Variants in PAK1IP1 observed in about 807,000 individuals in gnomAD.
The protein encoded by PAK1IP1 is PAK1 interacting protein 1.
A neutral mutation model predicts 42.0 loss-of-function variants in PAK1IP1; 24 were observed. That is an observed-to-expected ratio of 0.57 (90% CI 0.41 to 0.80). The LOEUF is 0.80. Among genes scored for constraint, PAK1IP1 ranks in the 30% least tolerant of loss-of-function variants. The probability of loss-of-function intolerance (pLI) is 0.00; values close to 1 mark genes in which losing one functional copy is unlikely to be tolerated. For missense variants in PAK1IP1, 411 were observed against 467.9 expected (o/e 0.88, Z 1.12); for synonymous variants, 154 against 156.7 (o/e 0.98, Z 0.13).
intron 4 of PAK1IP1, 22 bp downstream of exon 4, chr6:10,702,661 G>A (rs769533974): frequency 6.5e-7 from 1 of 1,527,116 alleles, no homozygotes; most frequent in Non-Finnish European, 9.1e-7. Flanking sequence ...ATGCTCAAGA[G>A]CATTTATCTA....
At chr6:10,702,244 A>C in intron 2 of PAK1IP1, 125 bp from the exon 3 acceptor site, 1 of 773,384 alleles carries the variant, frequency 1.3e-6, no homozygotes, top group Non-Finnish European at 2.0e-6. Context: ...CTGCCTCAAA[A>C]AAAAAAAAAA....
chr6:10,694,603 A>C (rs1769706061), upstream of PAK1IP1: 1 of 179,128 alleles, frequency 5.6e-6, no homozygotes, highest in Non-Finnish European at 1.2e-5. Flanking sequence ...CCCCTAAGCA[A>C]CCGGCCGGAA....
At chr6:10,699,028 G>A (rs760153511) in intron 2 of PAK1IP1, among the ~76,000 whole-genome samples, 8 of 151,858 alleles carry the variant, frequency 5.3e-5, no homozygotes, top group Admixed American at 2.0e-4. Context: ...GAGAAACCCC[G>A]TCTCTACGAA....
intron 2 of PAK1IP1, among the ~76,000 whole-genome samples, chr6:10,700,193 G>A (rs1489664389): frequency 6.6e-6 from 1 of 151,940 alleles, no homozygotes; most frequent in Non-Finnish European, 1.5e-5. Context: ...CAGGTAGCTT[G>A]GATTATAGGT....
intron 1 of PAK1IP1, among the ~76,000 whole-genome samples, chr6:10,697,047 T>G (rs973471807): frequency 3.9e-5 from 6 of 152,212 alleles, no homozygotes; most frequent in Non-Finnish European, 8.8e-5. Flanking sequence ...TCCATTACTG[T>G]GTTCTAGAGT....
chr6:10,706,871 G>A (rs567913255), intron 7 of PAK1IP1, among the ~76,000 whole-genome samples: 29 of 149,530 alleles, frequency 1.9e-4, no homozygotes, highest in Admixed American at 1.1e-3. Flanking sequence ...CAGCCTGGGC[G>A]ATAGAGCAAG....
chr6:10,695,875 G>C (rs1192928127), intron 1 of PAK1IP1, among the ~76,000 whole-genome samples: 1 of 151,998 alleles, frequency 6.6e-6, no homozygotes, highest in Non-Finnish European at 1.5e-5. Context: ...TATTGCTTTC[G>C]TTTATTTTGT....
Position 10,702,655 on chromosome 6 carries a change from T to C in PAK1IP1, c.443+16T>C. On this transcript the variant is annotated intron_variant, in intron 4 of 9. Transcript: ENST00000379568. The stretch of plus-strand genomic sequence containing the variant: ...AAACTTTAAGGTAAGTCATTAATGC[T>C]CAAGAGCATTTATCTAAGGTGTGTG... The C allele has an allele frequency of 6.4e-7, 1 of 1,557,496 alleles. No homozygotes were observed. Among genetic ancestry groups the C allele is most frequent in the Non-Finnish European group, 8.9e-7 (1 of 1,128,578 alleles).
intron 2 of PAK1IP1, among the ~76,000 whole-genome samples, chr6:10,700,304 C>T (rs935047370): frequency 3.9e-5 from 6 of 152,112 alleles, no homozygotes; most frequent in Admixed American, 6.6e-5. Flanking sequence ...GTGATCCGCC[C>T]GCCTCAGCCT....
intron 5 of PAK1IP1, among the ~76,000 whole-genome samples, chr6:10,703,887 C>T (rs112915972): frequency 0.012 from 1,896 of 152,248 alleles, 41 homozygotes; most frequent in African/African-American, 0.042. Context: ...CATTTATTTC[C>T]CTGCATGGTG....
chr6:10,706,264 C>G (rs1373028830), intron 7 of PAK1IP1, among the ~76,000 whole-genome samples: 1 of 151,992 alleles, frequency 6.6e-6, no homozygotes, highest in Admixed American at 6.6e-5. Context: ...TGCAAAGACC[C>G]TGAGGGAGAA....
chr6:10,704,209 G>A (rs1405646312), intron 5 of PAK1IP1, among the ~76,000 whole-genome samples: 1 of 151,922 alleles, frequency 6.6e-6, no homozygotes, highest in Admixed American at 6.6e-5. Flanking sequence ...TTTTGGTAGA[G>A]AGATGGGGTT....
intron 4 of PAK1IP1, among the ~76,000 whole-genome samples, chr6:10,703,032 C>T (rs981488665): frequency 6.6e-6 from 1 of 152,090 alleles, no homozygotes; most frequent in Admixed American, 6.5e-5. Context: ...GTCTTGATCT[C>T]CTGACCTCAT....
In PAK1IP1 at chr6:10,704,524, T is replaced by C. The variant is rs1348879251; in HGVS notation, c.514T>C (p.Trp172Arg). The part of the protein sequence containing the change: ...NIKQNAHIVE[W>R]SPRGEQYVVI... ...ACTTACAGATGCTCACATAGTAGAA[T>C]GGTCCCCAAGAGGAGAGCAGTATGT... is the stretch of plus-strand genomic sequence containing the variant. The change falls in exon 6 of 10, where the codon TGG (tryptophan) becomes CGG (arginine). Residue 172 changes from tryptophan to arginine, a missense_variant. Trp to Arg is a moderately radical substitution (Grantham distance 101). Transcript: ENST00000379568. The C allele has an allele frequency of 6.3e-7, 1 of 1,591,514 alleles. No individual in the cohort carries two copies. Among genetic ancestry groups the C allele is most frequent in the South Asian group, 1.1e-5 (1 of 88,070 alleles).
chr6:10,703,527 A>G, intron 5 of PAK1IP1, 70 bp downstream of exon 5: 1 of 1,160,432 alleles, frequency 8.6e-7, no homozygotes, highest in Non-Finnish European at 1.3e-6. Context: ...CCAAAATCTG[A>G]AACTTTTTGA....
At chr6:10,691,837 T>G (rs954464784), upstream of PAK1IP1, among the ~76,000 whole-genome samples, 1 of 152,278 alleles carries the variant, frequency 6.6e-6, no homozygotes, top group African/African-American at 2.4e-5. Context: ...TTTTGGGGTT[T>G]TTTTTTCTTT....
intron 2 of PAK1IP1, among the ~76,000 whole-genome samples, chr6:10,698,501 C>T (rs991966266): frequency 1.3e-5 from 2 of 151,162 alleles, no homozygotes; most frequent in South Asian, 2.1e-4. Context: ...TAAGCAGTTC[C>T]GGATTATGAG....
intron 2 of PAK1IP1, among the ~76,000 whole-genome samples, chr6:10,698,706 T>C (rs1214455955): frequency 1.3e-5 from 2 of 152,178 alleles, no homozygotes; most frequent in Non-Finnish European, 2.9e-5. Context: ...GAAGGACTGA[T>C]GAAGGCCTGC....
At position 10,702,572 on chromosome 6, in the gene PAK1IP1, G is replaced by A; in HGVS notation, c.376G>A (p.Val126Met). Residue 126 changes from valine to methionine, a missense_variant, in exon 4 of 10, where the codon GTG (valine) becomes ATG (methionine). Transcript: ENST00000379568. ...CTTTTGGTTTCATTATAGAGGACAG[G>A]TGACCTTCCTTTCTATTCACCCATC... is the stretch of plus-strand genomic sequence containing the variant. The part of the protein sequence containing the change: ...LKSIKAHKGQ[V>M]TFLSIHPSGK... The A allele has an allele frequency of 6.2e-7, 1 of 1,613,996 alleles. No homozygotes were observed. Among genetic ancestry groups the A allele is most frequent in the South Asian group, 1.1e-5 (1 of 91,078 alleles).
Sources: gnomAD v4.1 joint callset for allele counts (sites outside exome capture counted in the v4.1 genomes callset) on GRCh38, gnomAD v4.1.1 for gene constraint, MANE v1.5 for transcripts, NCBI Gene and HGNC (gene_info 2026-07-23, HGNC 2026-07-21) for gene names.